Variants in HECW1 observed in about 807,000 individuals in gnomAD.
HECW1 encodes the protein E3 ubiquitin-protein ligase HECW1.
HECW1 carries 61 observed loss-of-function variants against 182.3 expected under a neutral mutation model. That is an observed-to-expected ratio of 0.33 (90% CI 0.27 to 0.41). The LOEUF is 0.41. HECW1 is among the 10% of genes least tolerant of loss of function. HECW1 has a pLI of 1.00. For missense variants in HECW1, 1,739 were observed against 2,108.9 expected (o/e 0.82, Z 3.44); for synonymous variants, 859 against 832.6 (o/e 1.03, Z -0.55).
At chr7:43,165,255 T>G (rs1165723694) in intron 2 of HECW1, among the ~76,000 whole-genome samples, 1 of 152,266 alleles carries the variant, frequency 6.6e-6, no homozygotes, top group African/African-American at 2.4e-5. Flanking sequence ...TTCCTCTGTT[T>G]TCACTTTTGT....
chr7:43,118,764 C>T (rs1040279144), intron 2 of HECW1, among the ~76,000 whole-genome samples: 1 of 151,948 alleles, frequency 6.6e-6, no homozygotes, highest in African/African-American at 2.4e-5. Context: ...CTTTATTTCC[C>T]CCTGCCTACC....
Position 43,432,147 on chromosome 7 carries a change from T to C in HECW1, c.802-5856T>C, listed in dbSNP as rs965504545. 2.6e-5 allele frequency among the ~76,000 whole-genome samples: 2 copies of C among 76,572 alleles called. No individual in the cohort carries two copies. The highest frequency in any genetic ancestry group is 6.6e-5 in the African/African-American group (1 of 15,228). The allele number at this position is 76,572 out of a possible 152,430, so 50.2% of individuals were successfully genotyped here. On this transcript the variant is annotated intron_variant, in intron 8 of 29. Transcript: ENST00000395891. This position sits in a 1 kb window ranked among gnomAD's most constrained non-coding sequence, Gnocchi z 4.1. ...CCGGCCAGTTGTTTATTTTATTTCT[T>C]TTTTTTTTTTGAGACGGAGTCTCGC...
chr7:43,164,276 T>C (rs997381686), intron 2 of HECW1, among the ~76,000 whole-genome samples: 1 of 152,220 alleles, frequency 6.6e-6, no homozygotes, highest in Non-Finnish European at 1.5e-5. Context: ...TTAATAGTTA[T>C]TATTTTTATG....
At chr7:43,193,462 C>T (rs1794136647) in intron 2 of HECW1, among the ~76,000 whole-genome samples, 1 of 152,030 alleles carries the variant, frequency 6.6e-6, no homozygotes, top group Non-Finnish European at 1.5e-5. Context: ...GCTCACTGCA[C>T]CCTCTGTCTC....
chr7:43,310,433 A>G (rs1808357178), intron 3 of HECW1, among the ~76,000 whole-genome samples: 1 of 152,210 alleles, frequency 6.6e-6, no homozygotes, highest in Admixed American at 6.5e-5. Context: ...TGGCCCCAAT[A>G]AGGTGATGAG....
chr7:43,138,903 G>C (rs1350359598), intron 2 of HECW1, among the ~76,000 whole-genome samples: 1 of 152,190 alleles, frequency 6.6e-6, no homozygotes, highest in African/African-American at 2.4e-5. Context: ...GACTTCTCAA[G>C]GCCTTTGGCA....
intron 6 of HECW1, among the ~76,000 whole-genome samples, chr7:43,381,147 T>G (rs1475947489): frequency 6.6e-6 from 1 of 152,234 alleles, no homozygotes; most frequent in Non-Finnish European, 1.5e-5. Flanking sequence ...TTCCTGCTTT[T>G]GTGAAGAGTT....
chr7:43,268,791 T>A (rs1802064272), intron 3 of HECW1, among the ~76,000 whole-genome samples: 1 of 152,082 alleles, frequency 6.6e-6, no homozygotes. Flanking sequence ...TTTGTTTTTT[T>A]AACAAGATCT....
At position 43,155,639 on chromosome 7, in the gene HECW1, G is replaced by T. The variant is rs145791364; in HGVS notation, c.-32+41248G>T. On this transcript the variant is annotated intron_variant, in intron 2 of 29. Coordinates refer to ENST00000395891, the MANE Select transcript of HECW1 (RefSeq NM_015052.5). ...TTAAAACAGGCTATTTGATAAATTTGCTGAGTGTGTACCTCTCTACTCAGT... is the reference window on the plus strand; with the variant it reads ...TTAAAACAGGCTATTTGATAAATTTTCTGAGTGTGTACCTCTCTACTCAGT... 6.0e-3 allele frequency among the ~76,000 whole-genome samples: 917 copies of T among 152,312 alleles called. 11 individuals are homozygous for T. Among genetic ancestry groups the T allele is most frequent in the Non-Finnish European group, 7.1e-3 (481 of 68,024 alleles).
intron 8 of HECW1, among the ~76,000 whole-genome samples, chr7:43,423,508 G>A (rs1287881975): frequency 6.6e-6 from 1 of 152,202 alleles, no homozygotes; most frequent in Admixed American, 6.5e-5. Flanking sequence ...TTGCCAAAGT[G>A]TTCCTTGTAC....
intron 3 of HECW1, among the ~76,000 whole-genome samples, chr7:43,257,633 T>G (rs1392174621): frequency 6.6e-6 from 1 of 152,170 alleles, no homozygotes; most frequent in Non-Finnish European, 1.5e-5. Context: ...TTTGTGTGGT[T>G]AATGTTAACA....
intron 3 of HECW1, among the ~76,000 whole-genome samples, chr7:43,311,403 G>A (rs963571207): frequency 1.2e-4 from 19 of 152,142 alleles, no homozygotes; most frequent in African/African-American, 4.3e-4. Context: ...TCTAATTGAC[G>A]TTGGAGAACT....
At chr7:43,192,861 G>T (rs889390469) in intron 2 of HECW1, among the ~76,000 whole-genome samples, 20 of 152,308 alleles carry the variant, frequency 1.3e-4, no homozygotes, top group Admixed American at 8.5e-4. Flanking sequence ...ACACAGGAAG[G>T]ACTTCAAGAG....
intron 16 of HECW1, among the ~76,000 whole-genome samples, chr7:43,472,004 A>C (rs2078042241): frequency 6.6e-6 from 1 of 152,200 alleles, no homozygotes; most frequent in Non-Finnish European, 1.5e-5. Context: ...GTTATTAACT[A>C]AGAGGAAAAA....
chr7:43,264,230 C>T (rs1387418506), intron 3 of HECW1, among the ~76,000 whole-genome samples: 1 of 152,150 alleles, frequency 6.6e-6, no homozygotes, highest in East Asian at 1.9e-4. Flanking sequence ...TGACCAACAT[C>T]TCCCCATCCC....
chr7:43,268,274 G>A (rs1191231871), intron 3 of HECW1, among the ~76,000 whole-genome samples: 2 of 152,164 alleles, frequency 1.3e-5, no homozygotes, highest in East Asian at 1.9e-4. Flanking sequence ...AAGGAGACTC[G>A]CAGTGTTCTG....
chr7:43,328,306 A>AACAAAAG (rs1251020841), intron 5 of HECW1, among the ~76,000 whole-genome samples: 28 of 136,174 alleles, frequency 2.1e-4, no homozygotes, highest in Admixed American at 8.7e-4. Flanking sequence ...TCAAATTAAA[A>AACAAAAG]ACAAAAAACA....
chr7:43,442,620 A>G lies in HECW1; in HGVS notation c.1036A>G (p.Ile346Val), dbSNP rs1403989237. 1 of 1,610,396 alleles carries G rather than the reference A, an allele frequency of 6.2e-7. No homozygotes were observed. Among genetic ancestry groups the G allele is most frequent in the African/African-American group, 1.3e-5 (1 of 74,872 alleles). ...LQFRFEITSS[I>V]HPDDEEISLS... ...ATTCCGATTTGAGATCACTTCCTCC[A>G]TCCACCCAGGTATTTTCAGCATGAA... The change falls in exon 10 of 30, where the codon ATC becomes GTC. Residue 346 changes from isoleucine to valine, a missense_variant. Around this residue, in one of 5 missense-constraint regions of HECW1, gnomAD observed 66 missense variants for 113.8 expected, o/e 0.58. Coordinates refer to ENST00000395891, the MANE Select transcript of HECW1 (RefSeq NM_015052.5).
intron 8 of HECW1, among the ~76,000 whole-genome samples, chr7:43,430,784 T>TATTATTATTATTATTATTATTATG (rs2076523455): frequency 6.7e-6 from 1 of 148,564 alleles, no homozygotes. Flanking sequence ...TTTTCTTTAT[T>TATTATTATTATTATTATTATTATG]ATTATTATTA....
Sources: gnomAD v4.1 joint callset for allele counts (sites outside exome capture counted in the v4.1 genomes callset) on GRCh38, gnomAD v4.1.1 for gene constraint, gnomAD v4.1.1 regional missense constraint, Gnocchi (gnomAD v3.1) non-coding constraint, MANE v1.5 for transcripts, NCBI Gene and HGNC (gene_info 2026-07-23, HGNC 2026-07-21) for gene names.